Variants in RUNDC3B observed in about 807,000 individuals in gnomAD.
RUNDC3B encodes RUN domain-containing protein 3B.
In RUNDC3B, 33 loss-of-function variants were observed where a neutral mutation model predicts 58.4. The observed-to-expected ratio is 0.56, with a 90% CI of 0.43 to 0.75. The LOEUF (loss-of-function observed/expected upper bound fraction) is 0.75, where lower values mean the gene tolerates loss of function less well. Ranked by LOEUF, RUNDC3B falls within the 30% of genes least tolerant of loss-of-function variation. RUNDC3B has a pLI of 0.00. For synonymous variants in RUNDC3B, 193 were observed against 195.2 expected (o/e 0.99, Z 0.10); for missense variants, 501 against 535.7 (o/e 0.94, Z 0.64).
chr7:87,822,588 CAT>C (rs1837537045), intron 10 of RUNDC3B, among the ~76,000 whole-genome samples: 1 of 152,188 alleles, frequency 6.6e-6, no homozygotes, highest in South Asian at 2.1e-4. Flanking sequence ...CACATGCACA[CAT>C]ATGTTTATAG....
intron 3 of RUNDC3B, among the ~76,000 whole-genome samples, chr7:87,702,050 G>C (rs1184766150): frequency 6.8e-6 from 1 of 147,526 alleles, no homozygotes; most frequent in African/African-American, 2.5e-5. Context: ...GGCTGAGGCA[G>C]GAGAATGGCG....
intron 10 of RUNDC3B, among the ~76,000 whole-genome samples, chr7:87,822,518 C>G (rs1010633926): frequency 1.3e-5 from 2 of 152,188 alleles, no homozygotes; most frequent in East Asian, 1.9e-4. Flanking sequence ...TACCATTTGA[C>G]CCATCCATCC....
intron 7 of RUNDC3B, among the ~76,000 whole-genome samples, chr7:87,773,741 G>A (rs537491027): frequency 1.1e-4 from 17 of 151,796 alleles, no homozygotes; most frequent in Admixed American, 4.6e-4. Context: ...GCAGTGGCGC[G>A]ATCTTGGCTC....
chr7:87,705,069 T>C (rs1829466836), intron 3 of RUNDC3B, among the ~76,000 whole-genome samples: 2 of 152,216 alleles, frequency 1.3e-5, no homozygotes, highest in Non-Finnish European at 2.9e-5. Context: ...TCTGTCCTGA[T>C]ACCACTTAGA....
At chr7:87,651,843 G>A (rs116385263) in intron 2 of RUNDC3B, among the ~76,000 whole-genome samples, 1,566 of 152,166 alleles carry the variant, frequency 0.01, 30 homozygotes, top group African/African-American at 0.036. Flanking sequence ...AACTACATGG[G>A]AGAAAAAATA....
chr7:87,709,959 T>C (rs1829919979), intron 3 of RUNDC3B, among the ~76,000 whole-genome samples: 1 of 152,192 alleles, frequency 6.6e-6, no homozygotes, highest in African/African-American at 2.4e-5. Flanking sequence ...ATATGCTGGC[T>C]TCTGTTTTTT....
intron 6 of RUNDC3B, among the ~76,000 whole-genome samples, chr7:87,757,545 G>A (rs927048663): frequency 7.2e-5 from 11 of 151,908 alleles, no homozygotes; most frequent in African/African-American, 2.4e-4. Context: ...AAAAAAGGAA[G>A]GATATTTCAT....
intron 8 of RUNDC3B, among the ~76,000 whole-genome samples, chr7:87,783,953 T>C (rs1432979909): frequency 6.6e-6 from 1 of 152,144 alleles, no homozygotes; most frequent in Non-Finnish European, 1.5e-5. Flanking sequence ...CACGTTGACC[T>C]GGCAAGTCTG....
rs771770674 is a variant in RUNDC3B, at chr7:87,628,854, G to A, written c.31G>A (p.Gly11Arg). The part of the protein sequence containing the change: MASRSLGGLS[G>R]IRGGGGGGGK... ...CTCCCGGAGCCTGGGGGGCCTGAGC[G>A]GGATCCGCGGCGGTGGCGGCGGAGG... is the stretch of plus-strand genomic sequence containing the variant. The change falls in exon 1 of 11, where the codon GGG becomes AGG. Residue 11 changes from glycine (G) to arginine (R), a missense_variant. Coordinates refer to ENST00000394654, the MANE Select transcript of RUNDC3B (RefSeq NM_001134405.2). 7.9e-7 allele frequency: 1 copy of A among 1,273,804 alleles called. No homozygotes were observed. Among genetic ancestry groups the A allele is most frequent in the East Asian group, 3.0e-5 (1 of 33,808 alleles). The allele number at this position is 1,273,804 out of a possible 1,614,324, so 78.9% of individuals were successfully genotyped here.
At chr7:87,816,578 G>A (rs1015967400) in intron 10 of RUNDC3B, among the ~76,000 whole-genome samples, 3 of 152,086 alleles carry the variant, frequency 2.0e-5, no homozygotes, top group Non-Finnish European at 2.9e-5. Context: ...ATATTGCAGA[G>A]AACTGCTAAT....
intron 6 of RUNDC3B, among the ~76,000 whole-genome samples, chr7:87,753,487 C>T (rs906013833): frequency 5.3e-5 from 8 of 152,044 alleles, no homozygotes; most frequent in African/African-American, 1.7e-4. Flanking sequence ...TAAAATCTCC[C>T]GTTATTAATG....
At chr7:87,681,339 G>T (rs970593867) in intron 2 of RUNDC3B, among the ~76,000 whole-genome samples, 1 of 150,436 alleles carries the variant, frequency 6.6e-6, no homozygotes, top group Non-Finnish European at 1.5e-5. Flanking sequence ...GAAACTATTA[G>T]CCTGATACAA....
intron 4 of RUNDC3B, among the ~76,000 whole-genome samples, chr7:87,730,412 A>G (rs1831509594): frequency 2.6e-5 from 4 of 152,034 alleles, no homozygotes; most frequent in Admixed American, 1.3e-4. Context: ...GAACATTGGC[A>G]GTAACCAGGC....
At chr7:87,726,528 T>G (rs111481881) in intron 4 of RUNDC3B, among the ~76,000 whole-genome samples, 22,009 of 152,160 alleles carry the variant, frequency 0.14, 2,553 homozygotes, top group African/African-American at 0.32. Flanking sequence ...GGTAGTGTGA[T>G]GCCTCCAGCT....
intron 4 of RUNDC3B, among the ~76,000 whole-genome samples, chr7:87,730,447 G>A (rs1395219486): frequency 2.0e-5 from 3 of 151,830 alleles, no homozygotes; most frequent in Non-Finnish European, 4.4e-5. Context: ...ACCTGGGATG[G>A]TGGTGGCCAT....
At chr7:87,742,082 A>G (rs1832358448) in intron 6 of RUNDC3B, among the ~76,000 whole-genome samples, 1 of 152,200 alleles carries the variant, frequency 6.6e-6, no homozygotes, top group South Asian at 2.1e-4. Flanking sequence ...TCTGTTACCA[A>G]TACTGTGTGA....
chr7:87,771,030 TA>T (rs1166074736), intron 7 of RUNDC3B, among the ~76,000 whole-genome samples: 1 of 152,204 alleles, frequency 6.6e-6, no homozygotes, highest in Non-Finnish European at 1.5e-5. Context: ...ATAAATTTTA[TA>T]AAAGATGATT....
intron 10 of RUNDC3B, among the ~76,000 whole-genome samples, chr7:87,824,375 CTT>C (rs1837677205): frequency 6.6e-6 from 1 of 152,214 alleles, no homozygotes; most frequent in South Asian, 2.1e-4. Flanking sequence ...CACAAGCTCT[CTT>C]GTCTGCCACC....
intron 6 of RUNDC3B, among the ~76,000 whole-genome samples, chr7:87,754,110 T>C (rs1833207611): frequency 6.6e-6 from 1 of 152,170 alleles, no homozygotes. Flanking sequence ...GATACTGAAC[T>C]TTCCACCTCC....
Sources: gnomAD v4.1 joint callset for allele counts (sites outside exome capture counted in the v4.1 genomes callset) on GRCh38, gnomAD v4.1.1 for gene constraint, MANE v1.5 for transcripts, NCBI Gene and HGNC (gene_info 2026-07-23, HGNC 2026-07-21) for gene names.